Variants in ERC1 observed in about 807,000 individuals in gnomAD.
ERC1 encodes RAB6 interacting protein 2.
Under a neutral mutation model 132.0 loss-of-function variants are expected in ERC1, and 56 were observed. That is an observed-to-expected ratio of 0.42 (90% CI 0.34 to 0.53). ERC1 has a LOEUF of 0.53. Ranked by LOEUF, ERC1 falls within the 20% of genes least tolerant of loss-of-function variation. The pLI, the probability that ERC1 is intolerant of heterozygous loss-of-function variation, is 0.03. For synonymous variants in ERC1, 478 were observed against 476.1 expected, an observed-to-expected ratio of 1.00 and a Z score of -0.05; for missense variants, 1,202 against 1,349.9, an observed-to-expected ratio of 0.89 and a Z score of 1.72.
At chr12:1,099,442 T>TTAAC (rs939224841) in intron 3 of ERC1, among the ~76,000 whole-genome samples, 29 of 130,328 alleles carry the variant, frequency 2.2e-4, no homozygotes, top group African/African-American at 8.8e-4. Flanking sequence ...TTGCCCACTC[T>TTAAC]AACTCCTGTT....
At chr12:1,362,332 G>A (rs2086205902) in intron 15 of ERC1, among the ~76,000 whole-genome samples, 1 of 152,110 alleles carries the variant, frequency 6.6e-6, no homozygotes, top group Non-Finnish European at 1.5e-5. Flanking sequence ...TTCTGCCCTA[G>A]ACCTTTTCTC....
intron 16 of ERC1, among the ~76,000 whole-genome samples, chr12:1,404,247 G>A (rs1251413443): frequency 6.6e-6 from 1 of 152,070 alleles, no homozygotes; most frequent in Non-Finnish European, 1.5e-5. Flanking sequence ...AGGGCAAACG[G>A]GCTCCCTCGG....
chr12:1,358,199 G>A (rs1254993666), intron 15 of ERC1, among the ~76,000 whole-genome samples: 3 of 142,794 alleles, frequency 2.1e-5, no homozygotes, highest in African/African-American at 7.9e-5. Flanking sequence ...GGACAACATA[G>A]CAAGGCCTTG....
At chr12:1,421,118 C>T (rs2154399866) in intron 17 of ERC1, among the ~76,000 whole-genome samples, 1 of 152,092 alleles carries the variant, frequency 6.6e-6, no homozygotes, top group East Asian at 1.9e-4. Flanking sequence ...GTGTTGGGAA[C>T]ATTTAATATT....
chr12:1,494,936 G>A lies in ERC1; in HGVS notation c.*4706G>A. ...TGGCCCTGGGCTGGCGGCTTAGGAA[G>A]CATGGAGCACACTTAGGGTAGTGCC... On this transcript the variant is annotated 3_prime_UTR_variant, in exon 19 of 19. Coordinates refer to ENST00000360905, the MANE Select transcript of ERC1 (RefSeq NM_178040.4). 1 of 230,928 alleles carries A rather than the reference G, an allele frequency of 4.3e-6. No homozygotes were observed. The highest frequency in any genetic ancestry group is 8.6e-6 in the Non-Finnish European group (1 of 116,614). 14.3% of individuals were successfully genotyped at this position (230,928 alleles called of 1,614,324 possible).
At chr12:1,161,729 C>A (rs1484679375) in intron 8 of ERC1, among the ~76,000 whole-genome samples, 1 of 152,110 alleles carries the variant, frequency 6.6e-6, no homozygotes, top group Non-Finnish European at 1.5e-5. Flanking sequence ...TGCCTTAATT[C>A]TGTACAAAAA....
intron 15 of ERC1, among the ~76,000 whole-genome samples, chr12:1,347,475 A>G (rs1033890951): frequency 6.6e-6 from 1 of 152,198 alleles, no homozygotes; most frequent in Non-Finnish European, 1.5e-5. Context: ...GTCATTTTTC[A>G]TGGTGATAAC....
chr12:1,415,818 A>G (rs1407210219), intron 17 of ERC1, among the ~76,000 whole-genome samples: 1 of 152,228 alleles, frequency 6.6e-6, no homozygotes, highest in Admixed American at 6.5e-5. Context: ...TCTTTCCTGG[A>G]AAGCTTAGAA....
chr12:1,417,227 A>T (rs2092161272), intron 17 of ERC1, among the ~76,000 whole-genome samples: 1 of 151,816 alleles, frequency 6.6e-6, no homozygotes, highest in Non-Finnish European at 1.5e-5. Flanking sequence ...CAGAGGGTTC[A>T]CTCCCTTTAC....
chr12:1,259,717 G>T lies in ERC1; in HGVS notation c.2488-3317G>T, dbSNP rs2077032016. Among the ~76,000 whole-genome samples, 5 of 151,954 alleles carry T rather than the reference G, an allele frequency of 3.3e-5. No homozygotes were observed. In the Middle Eastern group the frequency reaches 0.014, roughly 413 times the overall value. On this transcript the variant is annotated intron_variant, in intron 13 of 18. Transcript: ENST00000360905. ...TTTTTGTATTTTCAGTAGAGACGGG[G>T]TTTCACCATGTTGGTCAGGCTGGTC...
In ERC1 at chr12:1,495,466, GC is replaced by G. The variant is rs1213127367; in HGVS notation, c.*5240del. On this transcript the variant is annotated 3_prime_UTR_variant, in exon 19 of 19. Coordinates refer to ENST00000360905, the MANE Select transcript of ERC1 (RefSeq NM_178040.4). ...GGCCAAAGCAGGCCCTCTGGGTCCA[GC>G]CCCTCATTCCACACCACGCCAGTAT... 1.7e-5 allele frequency: 4 copies of G among 229,022 alleles called. No individual in the cohort carries two copies. The East Asian group carries it at 2.5e-4, about 14-fold the overall frequency. 14.2% of individuals were successfully genotyped at this position (229,022 alleles called of 1,614,324 possible). A position where few individuals can be genotyped will look rare whatever the true frequency, so the allele number is the denominator to read the frequency against.
At chr12:1,130,069 A>G (rs559416701) in intron 7 of ERC1, among the ~76,000 whole-genome samples, 1 of 152,328 alleles carries the variant, frequency 6.6e-6, no homozygotes, top group African/African-American at 2.4e-5. Context: ...CAGCAGGTGG[A>G]ATTCTGCATC....
intron 7 of ERC1, among the ~76,000 whole-genome samples, chr12:1,139,878 A>G (rs1949709746): frequency 6.6e-6 from 1 of 152,186 alleles, no homozygotes; most frequent in East Asian, 1.9e-4. Flanking sequence ...GGAAGAAAAG[A>G]ACAGTATTTG....
At chr12:1,050,670 CTG>C (rs1306562082) in intron 2 of ERC1, among the ~76,000 whole-genome samples, 3 of 152,046 alleles carry the variant, frequency 2.0e-5, no homozygotes, top group Non-Finnish European at 4.4e-5. Flanking sequence ...TAAAATGAAA[CTG>C]TCACTACTAC....
chr12:1,002,309 G>T (rs1430253686), intron 1 of ERC1, among the ~76,000 whole-genome samples: 2 of 150,516 alleles, frequency 1.3e-5, no homozygotes, highest in African/African-American at 4.9e-5. Flanking sequence ...AAGTAACTGG[G>T]ACTACAGGTG....
At chr12:1,138,326 T>C (rs1174271309) in intron 7 of ERC1, among the ~76,000 whole-genome samples, 2 of 140,700 alleles carry the variant, frequency 1.4e-5, no homozygotes, top group Non-Finnish European at 3.0e-5. Context: ...ACATATGTTG[T>C]ATATAATATA....
intron 12 of ERC1, among the ~76,000 whole-genome samples, chr12:1,223,436 G>A (rs2074323609): frequency 6.6e-6 from 1 of 152,162 alleles, no homozygotes; most frequent in South Asian, 2.1e-4. Context: ...TGGGAACCTC[G>A]TTAAAGTGCA....
Position 1,493,231 on chromosome 12 carries a change from G to A in ERC1, c.*3001G>A, listed in dbSNP as rs1211272489. 5.2e-6 allele frequency: 1 copy of A among 192,358 alleles called. No homozygotes were observed. Among genetic ancestry groups the A allele is most frequent in the Non-Finnish European group, 1.1e-5 (1 of 92,094 alleles). The allele number at this position is 192,358 out of a possible 1,614,324, so 11.9% of individuals were successfully genotyped here. On this transcript the variant is annotated 3_prime_UTR_variant, in exon 19 of 19. Transcript: ENST00000360905. ...ATTTGAAATGGAAAAATTTTGAACG[G>A]GCTTTAACATGTTTAAGAAATATGG...
chr12:1,197,169 TG>T (rs1956414145), intron 12 of ERC1, among the ~76,000 whole-genome samples: 1 of 151,342 alleles, frequency 6.6e-6, no homozygotes, highest in Non-Finnish European at 1.5e-5. Context: ...TCAGTAGAGA[TG>T]GGGTTTCACC....
Sources: allele counts gnomAD v4.1 joint callset (sites outside exome capture counted in the v4.1 genomes callset), GRCh38; gene constraint gnomAD v4.1.1; transcripts MANE v1.5; gene names NCBI Gene and HGNC (gene_info 2026-07-23, HGNC 2026-07-21).